The following RSF1 variants were observed in gnomAD, a reference collection of about 807,000 sequenced individuals.
RSF1 encodes remodeling and spacing factor 1, also known as HBV pX-associated protein 8.
In RSF1, 13 loss-of-function variants were observed where a neutral mutation model predicts 145.2. The observed-to-expected ratio is 0.09, with a 90% CI of 0.06 to 0.14. The LOEUF is 0.14. RSF1 is among the 10% of genes least tolerant of loss of function. The probability of loss-of-function intolerance (pLI) is 1.00; values close to 1 mark genes in which losing one functional copy is unlikely to be tolerated. For missense variants in RSF1, 1,517 were observed against 1,718.2 expected, an observed-to-expected ratio of 0.88 and a Z score of 2.07; for synonymous variants, 577 against 592.6, an observed-to-expected ratio of 0.97 and a Z score of 0.38.
At chr11:77,816,285 C>T (rs1435247720) in intron 1 of RSF1, among the ~76,000 whole-genome samples, 1 of 152,168 alleles carries the variant, frequency 6.6e-6, no homozygotes, top group Non-Finnish European at 1.5e-5. Context: ...TTGTTTAAAT[C>T]AACACATGTG....
intron 11 of RSF1, among the ~76,000 whole-genome samples, chr11:77,679,293 C>T (rs774487918): frequency 3.3e-5 from 5 of 152,240 alleles, no homozygotes; most frequent in African/African-American, 4.8e-5. Context: ...ATTTGGCCCA[C>T]AGGCCATAAT....
chr11:77,667,064 G>T lies in RSF1; in HGVS notation c.4179C>A (p.Thr1393=), dbSNP rs1238742937. Residue 1393 remains threonine (T), a synonymous_variant, in exon 16 of 16, where the codon ACC becomes ACA. Coordinates refer to ENST00000308488, the MANE Select transcript of RSF1 (RefSeq NM_016578.4). ...CACTGGCTGTGCTGTTGTCCTTGGG[G>T]GTCTGAGACTTCTCAGTAGGCTTGC... ...LIGKPTEKSQ[T]PKDNSTASAS... 1.9e-6 allele frequency: 3 copies of T among 1,613,968 alleles called. No homozygotes were observed. Among genetic ancestry groups the T allele is most frequent in the Non-Finnish European group, 1.7e-6 (2 of 1,179,994 alleles).
At chr11:77,836,561 T>C in the RSF1 span, among the ~76,000 whole-genome samples, 2 of 152,216 alleles carry the variant, frequency 1.3e-5, no homozygotes, top group African/African-American at 4.8e-5. Flanking sequence ...ACACGCAGTC[T>C]GTGGTATTTT....
chr11:77,858,302 CT>C, the RSF1 span, among the ~76,000 whole-genome samples: 1,718 of 69,298 alleles, frequency 0.025, 13 homozygotes, highest in African/African-American at 0.091. Flanking sequence ...TTAAGCAATT[CT>C]TTTTTTTTTT....
At chr11:77,859,452 T>A in the RSF1 span, among the ~76,000 whole-genome samples, 1 of 152,246 alleles carries the variant, frequency 6.6e-6, no homozygotes, top group East Asian at 1.9e-4. Flanking sequence ...TAGGAATTCC[T>A]TTTCTCTCCA....
intron 1 of RSF1, 46 bp downstream of exon 1, chr11:77,820,482 G>A: frequency 2.0e-6 from 3 of 1,531,866 alleles, no homozygotes; most frequent in Non-Finnish European, 2.6e-6. Context: ...GAGAGTAGCA[G>A]AGCGCCAGGG....
At chr11:77,713,755 T>C (rs1960742831) in intron 5 of RSF1, among the ~76,000 whole-genome samples, 1 of 152,238 alleles carries the variant, frequency 6.6e-6, no homozygotes, top group Non-Finnish European at 1.5e-5. Flanking sequence ...TTAATTCTTA[T>C]GTTTGTTGAC....
At chr11:77,820,004 G>C (rs933026052) in intron 1 of RSF1, among the ~76,000 whole-genome samples, 2 of 152,204 alleles carry the variant, frequency 1.3e-5, no homozygotes, top group East Asian at 3.9e-4. Flanking sequence ...GGAGAGTTGA[G>C]TGTCCGCTGG....
chr11:77,735,767 C>CCGCTCTGTTGT (rs1961333789), intron 4 of RSF1, among the ~76,000 whole-genome samples: 1 of 152,038 alleles, frequency 6.6e-6, no homozygotes, highest in Non-Finnish European at 1.5e-5. Context: ...GAGATGGAGG[C>CCGCTCTGTTGT]CGCTCTGTTG....
chr11:77,697,724 A>G (rs2135848861), intron 7 of RSF1, among the ~76,000 whole-genome samples: 1 of 151,614 alleles, frequency 6.6e-6, no homozygotes, highest in South Asian at 2.1e-4. Context: ...TGTAGTCGGT[A>G]TATAGCAGGT....
At chr11:77,691,123 T>G (rs1182480598) in intron 9 of RSF1, 36 bp downstream of exon 9, 1 of 1,576,264 alleles carries the variant, frequency 6.3e-7, no homozygotes, top group Non-Finnish European at 8.7e-7. Flanking sequence ...TGCTCTCATA[T>G]TCCCAAACAA....
chr11:77,754,914 A>G (rs1472329158), intron 2 of RSF1, among the ~76,000 whole-genome samples: 1 of 152,102 alleles, frequency 6.6e-6, no homozygotes, highest in Non-Finnish European at 1.5e-5. Context: ...GGTTGCAGTG[A>G]TCCAAGATCT....
rs11409466 is a variant in RSF1, at chr11:77,759,855, TAA to T, written c.279+4741_279+4742del. Among the ~76,000 whole-genome samples the T allele has an allele frequency of 4.1e-3, 544 of 134,218 alleles. 4 individuals are homozygous for T. Among genetic ancestry groups the T allele is most frequent in the African/African-American group, 0.012 (447 of 36,034 alleles). The allele number at this position is 134,218 out of a possible 152,430, so 88.1% of individuals were successfully genotyped here. A position where few individuals can be genotyped will look rare whatever the true frequency, so the allele number is the denominator to read the frequency against. On this transcript the variant is annotated intron_variant, in intron 2 of 15. Transcript: ENST00000308488. Reference sequence around the variant, plus strand: ...GTGAGAATTAAATGGTGATGCATGTTAAAAAAAAAAAAAAAAAAGCATAGCAC... The same window carrying T: ...GTGAGAATTAAATGGTGATGCATGTTAAAAAAAAAAAAAAAAGCATAGCAC...
intron 1 of RSF1, among the ~76,000 whole-genome samples, chr11:77,810,459 T>C (rs1017994478): frequency 4.6e-5 from 7 of 152,242 alleles, no homozygotes; most frequent in African/African-American, 1.2e-4. Context: ...AACAGTTGGA[T>C]GTAAAATTAG....
the RSF1 span, among the ~76,000 whole-genome samples, chr11:77,827,631 T>C: frequency 6.6e-6 from 1 of 152,224 alleles, no homozygotes. Context: ...TTTTTCAGCC[T>C]GATTAAGAGC....
chr11:77,831,243 T>A, the RSF1 span, among the ~76,000 whole-genome samples: 1 of 152,198 alleles, frequency 6.6e-6, no homozygotes, highest in African/African-American at 2.4e-5. Context: ...CCCTCATCAC[T>A]GCTAGTGGAA....
At chr11:77,726,529 T>C (rs1961057387) in intron 4 of RSF1, among the ~76,000 whole-genome samples, 1 of 152,224 alleles carries the variant, frequency 6.6e-6, no homozygotes, top group Admixed American at 6.5e-5. Flanking sequence ...AAATGCCACT[T>C]ACAACTGAGA....
upstream of RSF1, among the ~76,000 whole-genome samples, chr11:77,824,293 G>A (rs1211887381): frequency 6.6e-6 from 1 of 152,176 alleles, no homozygotes; most frequent in East Asian, 1.9e-4. Context: ...AAAAAGAGTA[G>A]CTATTTTTAA....
At chr11:77,830,360 G>C in the RSF1 span, among the ~76,000 whole-genome samples, 2 of 152,142 alleles carry the variant, frequency 1.3e-5, no homozygotes, top group Admixed American at 6.5e-5. Flanking sequence ...AAGGTTTGCT[G>C]AGGGCCTCAC....
Sources: gnomAD v4.1 joint callset for allele counts (sites outside exome capture counted in the v4.1 genomes callset) on GRCh38, gnomAD v4.1.1 for gene constraint, MANE v1.5 for transcripts, NCBI Gene and HGNC (gene_info 2026-07-23, HGNC 2026-07-21) for gene names.